The following RBM45 variants were observed in gnomAD, a reference collection of about 807,000 sequenced individuals.
RBM45 encodes the protein RNA binding motif protein 45, also known as RNA-binding protein 45.
In RBM45, 39 loss-of-function variants were observed where a neutral mutation model predicts 58.5. That is an observed-to-expected ratio of 0.67 (90% CI 0.52 to 0.87). The LOEUF is 0.87. RBM45 is among the 40% of genes least tolerant of loss of function. The probability of loss-of-function intolerance (pLI) is 0.00; values close to 1 mark genes in which losing one functional copy is unlikely to be tolerated. For missense variants in RBM45, 481 were observed against 581.6 expected, an observed-to-expected ratio of 0.83 and a Z score of 1.78; for synonymous variants, 193 against 203.0, an observed-to-expected ratio of 0.95 and a Z score of 0.42.
At chr2:178,114,809 C>T (rs910793290) in intron 1 of RBM45, among the ~76,000 whole-genome samples, 15 of 152,124 alleles carry the variant, frequency 9.9e-5, no homozygotes, top group South Asian at 8.3e-4. Context: ...GTTGCCTAAG[C>T]AGGTCTCAAG....
chr2:178,124,427 A>G (rs2087899167), intron 8 of RBM45, 137 bp downstream of exon 8: 2 of 466,390 alleles, frequency 4.3e-6, no homozygotes, highest in Non-Finnish European at 7.4e-6. Context: ...CCTTATTTGT[A>G]TCATCTTTTT....
At chr2:178,118,615 A>G (rs529039722) in intron 3 of RBM45, among the ~76,000 whole-genome samples, 2 of 152,288 alleles carry the variant, frequency 1.3e-5, no homozygotes, top group South Asian at 4.1e-4. Context: ...AAGATGTGCT[A>G]ACATAGGTAA....
Position 178,121,313 on chromosome 2 carries a change from A to G in RBM45, c.807A>G (p.Pro269=). The G allele has an allele frequency of 6.2e-7, 1 of 1,600,604 alleles. No individual in the cohort carries two copies. The highest frequency in any genetic ancestry group is 8.5e-7 in the Non-Finnish European group (1 of 1,174,938). Residue 269 remains proline, a synonymous_variant, in exon 5 of 10, where the codon CCA becomes CCG. Coordinates refer to ENST00000286070, the MANE Select transcript of RBM45 (RefSeq NM_152945.4). ...EQLFSIFDIV[P]GLEYCEVQRD... ...TTTTCAGCATTTTTGATATAGTACC[A>G]GGATTGGAATATTGTGAAGTTCAAC...
chr2:178,125,407 C>CT (rs2087915614), intron 8 of RBM45, among the ~76,000 whole-genome samples: 2 of 152,100 alleles, frequency 1.3e-5, no homozygotes, highest in African/African-American at 4.8e-5. Context: ...CTTAGAAACT[C>CT]TGAGAAGCCT....
At chr2:178,124,418 C>T (rs2087899029) in intron 8 of RBM45, 128 bp downstream of exon 8, 1 of 484,824 alleles carries the variant, frequency 2.1e-6, no homozygotes, top group Non-Finnish European at 3.5e-6. Context: ...TTAAAACCTC[C>T]TTATTTGTAT....
chr2:178,123,815 T>G lies in RBM45; in HGVS notation c.984-13T>G, dbSNP rs200812867. The stretch of plus-strand genomic sequence containing the variant: ...TTTTTAGTTTTCTGTAAATTATCAG[T>G]TATTTTTTCCAGTCTCCTTAGAAAA... On this transcript the variant is annotated splice_polypyrimidine_tract_variant and intron_variant, in intron 6 of 9. Transcript: ENST00000286070. 1 of 1,612,736 alleles carries G rather than the reference T, an allele frequency of 6.2e-7. No homozygotes were observed. The highest frequency in any genetic ancestry group is 2.2e-5 in the East Asian group (1 of 44,864).
intron 1 of RBM45, among the ~76,000 whole-genome samples, chr2:178,113,767 A>T (rs948253607): frequency 6.6e-6 from 1 of 152,230 alleles, no homozygotes; most frequent in African/African-American, 2.4e-5. Context: ...AATTGCTTAA[A>T]TTGTAGCCTT....
At chr2:178,120,500 A>G in intron 4 of RBM45, 91 bp downstream of exon 4, 1 of 1,139,116 alleles carries the variant, frequency 8.8e-7, no homozygotes. Flanking sequence ...GGGCATCTAT[A>G]AATTTCACCT....
At chr2:178,139,001 T>G (rs1335278533) in exon 4 of RBM45, 1 of 150,182 alleles carries the variant, frequency 6.7e-6, no homozygotes, top group East Asian at 1.9e-4. Context: ...ATAATAAAAT[T>G]AATAACAGAA....
At chr2:178,120,537 T>A (rs1215414817) in intron 4 of RBM45, 128 bp downstream of exon 4, 1 of 773,812 alleles carries the variant, frequency 1.3e-6, no homozygotes, top group Non-Finnish European at 1.9e-6. Context: ...AAATGTAGTT[T>A]TTTTATTCCT....
At chr2:178,118,961 A>G (rs997972440) in intron 3 of RBM45, among the ~76,000 whole-genome samples, 3 of 152,218 alleles carry the variant, frequency 2.0e-5, no homozygotes, top group Non-Finnish European at 4.4e-5. Flanking sequence ...ATACTGATCA[A>G]TATGCTAAGT....
chr2:178,113,551 G>T (rs575549018), intron 1 of RBM45, among the ~76,000 whole-genome samples: 3 of 152,328 alleles, frequency 2.0e-5, no homozygotes, highest in African/African-American at 7.2e-5. Context: ...AAAGTAAACT[G>T]CCTTAAGAAG....
intron 9 of RBM45, among the ~76,000 whole-genome samples, chr2:178,126,591 TATAAAG>T (rs1013104957): frequency 6.6e-6 from 1 of 152,166 alleles, no homozygotes; most frequent in African/African-American, 2.4e-5. Context: ...AACAGTCGTT[TATAAAG>T]ATAATGTTTT....
At chr2:178,117,210 A>G (rs867077435) in intron 2 of RBM45, among the ~76,000 whole-genome samples, 7 of 152,192 alleles carry the variant, frequency 4.6e-5, no homozygotes, top group Non-Finnish European at 7.4e-5. Context: ...TGAGAATTCA[A>G]TGAAATACTT....
intron 7 of RBM45, 68 bp downstream of exon 7, chr2:178,123,980 A>C: frequency 1.3e-6 from 2 of 1,526,870 alleles, no homozygotes; most frequent in Non-Finnish European, 1.8e-6. Flanking sequence ...AAGAGAAATC[A>C]TGCTTTGTTG....
At chr2:178,116,142 TGAGACCC>T in intron 1 of RBM45, 113 bp from the exon 2 acceptor site, 1 of 1,314,742 alleles carries the variant, frequency 7.6e-7, no homozygotes. Flanking sequence ...TTTTTTTCTT[TGAGACCC>T]TGTCTCAAAG....
At chr2:178,137,378 A>G (rs2088053169) in exon 4 of RBM45, 2 of 152,226 alleles carry the variant, frequency 1.3e-5, no homozygotes, top group Admixed American at 6.5e-5. Context: ...ACTTCTAAGC[A>G]TATATCCAAC....
chr2:178,126,878 A>G (rs1454087998), intron 9 of RBM45, among the ~76,000 whole-genome samples: 3 of 152,136 alleles, frequency 2.0e-5, no homozygotes, highest in Non-Finnish European at 1.5e-5. Flanking sequence ...TCAAACTACA[A>G]TTTATTTGAC....
At chr2:178,129,197 C>T (rs180939557) in intron 9 of RBM45, among the ~76,000 whole-genome samples, 200 bp from the exon 10 acceptor site, 1 of 152,316 alleles carries the variant, frequency 6.6e-6, no homozygotes, top group East Asian at 1.9e-4. Flanking sequence ...TAATTCACAA[C>T]ACTTTCCCTC....
Sources: gnomAD v4.1 joint callset for allele counts (sites outside exome capture counted in the v4.1 genomes callset) on GRCh38, gnomAD v4.1.1 for gene constraint, MANE v1.5 for transcripts, NCBI Gene and HGNC (gene_info 2026-07-23, HGNC 2026-07-21) for gene names.